Variants in CADM2 observed in about 807,000 individuals in gnomAD.
CADM2 encodes immunoglobulin superfamily member 4D.
CADM2 carries 12 observed loss-of-function variants against 49.8 expected under a neutral mutation model. That is an observed-to-expected ratio of 0.24 (90% CI 0.15 to 0.39). CADM2 has a LOEUF of 0.39. Ranked by LOEUF, CADM2 falls within the 10% of genes least tolerant of loss-of-function variation. The pLI, the probability that CADM2 is intolerant of heterozygous loss-of-function variation, is 1.00. For synonymous variants in CADM2, 214 were observed against 175.4 expected, an observed-to-expected ratio of 1.22 and a Z score of -1.74; for missense variants, 378 against 492.3, an observed-to-expected ratio of 0.77 and a Z score of 2.20.
At chr3:85,185,083 T>C (rs1327058029) in intron 1 of CADM2, among the ~76,000 whole-genome samples, 2 of 152,096 alleles carry the variant, frequency 1.3e-5, no homozygotes, top group Non-Finnish European at 2.9e-5. Flanking sequence ...GGTATTATTT[T>C]TGACATTTCT....
chr3:85,004,881 C>A (rs2033649412), intron 1 of CADM2, among the ~76,000 whole-genome samples: 2 of 152,066 alleles, frequency 1.3e-5, no homozygotes, highest in African/African-American at 4.8e-5. Context: ...TGTCTGGCAG[C>A]AATATGGACT....
chr3:85,914,763 G>T (rs1333893265), intron 6 of CADM2, among the ~76,000 whole-genome samples: 1 of 152,196 alleles, frequency 6.6e-6, no homozygotes, highest in Non-Finnish European at 1.5e-5. Flanking sequence ...GTAAGAAAGA[G>T]TGAGAAGAGA....
chr3:85,246,587 G>T (rs1016147359), intron 1 of CADM2, among the ~76,000 whole-genome samples: 10 of 152,030 alleles, frequency 6.6e-5, no homozygotes, highest in Non-Finnish European at 1.5e-4. Context: ...AAGATTCCAG[G>T]ATAATTGTAA....
chr3:85,624,860 A>G (rs13096766), intron 1 of CADM2, among the ~76,000 whole-genome samples: 4 of 152,080 alleles, frequency 2.6e-5, no homozygotes, highest in Admixed American at 6.6e-5. Flanking sequence ...TATAGGGTAC[A>G]TGAGAAGTTT....
chr3:85,180,500 C>A (rs1348600407), intron 1 of CADM2, among the ~76,000 whole-genome samples: 2 of 133,398 alleles, frequency 1.5e-5, no homozygotes, highest in African/African-American at 3.0e-5. Flanking sequence ...AAGAGTGAGA[C>A]CCTGTCTCAA....
intron 1 of CADM2, among the ~76,000 whole-genome samples, chr3:85,672,349 C>T (rs111307029): frequency 0.02 from 3,093 of 151,824 alleles, 93 homozygotes; most frequent in African/African-American, 0.069. Context: ...CCCGCCACCA[C>T]GCCTGACTAA....
chr3:85,769,478 CACGTATAT>C (rs1459635279), intron 2 of CADM2, among the ~76,000 whole-genome samples: 3 of 66,248 alleles, frequency 4.5e-5, no homozygotes, highest in Non-Finnish European at 7.8e-5. Context: ...AGTATATATA[CACGTATAT>C]ACATATATAC....
chr3:85,090,470 T>C (rs1433221874), intron 1 of CADM2, among the ~76,000 whole-genome samples: 1 of 152,228 alleles, frequency 6.6e-6, no homozygotes, highest in Non-Finnish European at 1.5e-5. Context: ...AATGAATAGA[T>C]TTTTCTATGC....
chr3:85,214,127 A>C (rs1030357984), intron 1 of CADM2, among the ~76,000 whole-genome samples: 7 of 152,010 alleles, frequency 4.6e-5, no homozygotes, highest in Admixed American at 3.3e-4. Flanking sequence ...CTTTGGTCAC[A>C]GTAGCCATAC....
At chr3:85,779,559 C>T (rs2070529816) in intron 2 of CADM2, among the ~76,000 whole-genome samples, 1 of 152,056 alleles carries the variant, frequency 6.6e-6, no homozygotes, top group African/African-American at 2.4e-5. Flanking sequence ...AGGAATGCCC[C>T]TTACAAAACC....
At chr3:85,820,590 A>C (rs1459045798) in intron 3 of CADM2, among the ~76,000 whole-genome samples, 5 of 152,164 alleles carry the variant, frequency 3.3e-5, no homozygotes, top group Non-Finnish European at 7.4e-5. Context: ...CACTTGAAAT[A>C]ACAAACTTGA....
At chr3:85,175,645 T>C (rs764388492) in intron 1 of CADM2, among the ~76,000 whole-genome samples, 8 of 152,126 alleles carry the variant, frequency 5.3e-5, no homozygotes, top group East Asian at 1.9e-4. Flanking sequence ...TTTGAAGTGC[T>C]GAAAAAGTTC....
chr3:85,202,156 C>T (rs1249218356), intron 1 of CADM2, among the ~76,000 whole-genome samples: 1 of 149,710 alleles, frequency 6.7e-6, no homozygotes, highest in Non-Finnish European at 1.5e-5. Context: ...TCAGTCACAT[C>T]TTCAGGCTTT....
chr3:85,781,206 AAAC>A (rs1289228391), intron 2 of CADM2, among the ~76,000 whole-genome samples: 1 of 152,176 alleles, frequency 6.6e-6, no homozygotes, highest in Non-Finnish European at 1.5e-5. Flanking sequence ...CGTAGCTGGA[AAAC>A]CAAGGTCATG....
chr3:85,989,372 C>G (rs891652550), intron 8 of CADM2, among the ~76,000 whole-genome samples: 2 of 152,108 alleles, frequency 1.3e-5, no homozygotes, highest in Non-Finnish European at 2.9e-5. Flanking sequence ...TTAAAAGGAG[C>G]AGCAGTCAAG....
intron 6 of CADM2, among the ~76,000 whole-genome samples, chr3:85,927,359 T>A (rs1720004896): frequency 1.3e-5 from 2 of 152,154 alleles, no homozygotes; most frequent in Admixed American, 6.5e-5. Flanking sequence ...CCTAGGAATA[T>A]GCCAAACACT....
At chr3:85,089,776 A>C (rs1052149712) in intron 1 of CADM2, among the ~76,000 whole-genome samples, 1 of 152,130 alleles carries the variant, frequency 6.6e-6, no homozygotes, top group Non-Finnish European at 1.5e-5. Context: ...AACACAGTAA[A>C]ATAGGACAAC....
At position 85,896,389 on chromosome 3, in the gene CADM2, G is replaced by T. The variant is rs1222106881; in HGVS notation, c.529+10062G>T. 2.0e-5 allele frequency among the ~76,000 whole-genome samples: 3 copies of T among 152,148 alleles called. No individual in the cohort carries two copies. In the South Asian group the frequency reaches 6.2e-4, roughly 32 times the overall value. On this transcript the variant is annotated intron_variant, in intron 5 of 9. Coordinates refer to ENST00000383699, the MANE Select transcript of CADM2 (RefSeq NM_001167675.2). ...TTAAGTGACTTATAATGAGGAAAGA[G>T]ATTTTGAATATATAAAGATCTGCCA...
At chr3:85,396,510 C>T (rs2034798961) in intron 1 of CADM2, among the ~76,000 whole-genome samples, 2 of 151,806 alleles carry the variant, frequency 1.3e-5, no homozygotes, top group Admixed American at 1.3e-4. Context: ...GCAACAAATC[C>T]TGCAAATCTA....
Sources: allele counts gnomAD v4.1 joint callset (sites outside exome capture counted in the v4.1 genomes callset), GRCh38; gene constraint gnomAD v4.1.1; transcripts MANE v1.5; gene names NCBI Gene and HGNC (gene_info 2026-07-23, HGNC 2026-07-21).